ARSF: variants seen among roughly 807,000 people sequenced by gnomAD.
The protein encoded by ARSF is arylsulfatase F.
ARSF carries 33 observed loss-of-function variants against 35.4 expected under a neutral mutation model. That is an observed-to-expected ratio of 0.93 (90% confidence interval 0.71 to 1.25). The LOEUF (loss-of-function observed/expected upper bound fraction) is 1.25. ARSF is among the 50% of genes most tolerant of loss of function. The pLI is 0.00. For synonymous variants in ARSF, 222 were observed against 193.1 expected, an observed-to-expected ratio of 1.15 and a Z score of -1.24; for missense variants, 501 against 480.2, an observed-to-expected ratio of 1.04 and a Z score of -0.40.
At chrX:3,064,300 A>G (rs760215003) in intron 1 of ARSF, among the ~76,000 whole-genome samples, 1 of 112,309 alleles carries the variant, frequency 8.9e-6, no homozygotes, top group African/African-American at 3.2e-5. Context: ...TACAAAATTA[A>G]TTCAAGATGG....
chrX:3,052,878 G>C (rs1196832585), intron 1 of ARSF, among the ~76,000 whole-genome samples: 1 of 111,370 alleles, frequency 9.0e-6, no homozygotes, highest in Non-Finnish European at 1.9e-5. Flanking sequence ...TAAAGAACCT[G>C]TCTCTCTGAA....
intron 7 of ARSF, among the ~76,000 whole-genome samples, chrX:3,090,586 T>C (rs1433650499): frequency 8.9e-6 from 1 of 112,163 alleles, no homozygotes; most frequent in Non-Finnish European, 1.9e-5. Flanking sequence ...GAGGATTGCT[T>C]GAGCCCATAA....
intron 6 of ARSF, among the ~76,000 whole-genome samples, chrX:3,087,997 T>G (rs1027653342): frequency 8.9e-6 from 1 of 112,335 alleles, no homozygotes; most frequent in Non-Finnish European, 1.9e-5. Context: ...TTTTTTTATT[T>G]CTTTATATTT....
In ARSF at chrX:3,084,220, T is replaced by C. The variant is rs200760070; in HGVS notation, c.407-23T>C. On this transcript the variant is annotated intron_variant, in intron 5 of 10. Transcript: ENST00000381127. ...ATATGTTGACATATTGATGCGTAGATGTGTTTGTGTGTTTGGTTTTAGGCA... is the reference window on the plus strand; with the variant it reads ...ATATGTTGACATATTGATGCGTAGACGTGTTTGTGTGTTTGGTTTTAGGCA... 4.2e-4 allele frequency: 507 copies of C among 1,202,479 alleles called. 1 individual carries two copies. The highest frequency in any genetic ancestry group is 4.8e-4 in the Non-Finnish European group (430 of 889,522).
intron 1 of ARSF, among the ~76,000 whole-genome samples, chrX:3,053,758 AT>A (rs773968797): frequency 0.055 from 4,548 of 82,588 alleles, 152 homozygotes; most frequent in African/African-American, 0.11. Context: ...CGCCTGGGTA[AT>A]TTTTTTTTTT....
chrX:3,074,045 C>T (rs1040758683), intron 3 of ARSF, among the ~76,000 whole-genome samples: 2 of 110,288 alleles, frequency 1.8e-5, no homozygotes, highest in African/African-American at 3.3e-5. Context: ...CTAATAGATG[C>T]TGAAGGTAGT....
chrX:3,097,780 C>T (rs992415412), intron 7 of ARSF, among the ~76,000 whole-genome samples: 1 of 111,408 alleles, frequency 9.0e-6, no homozygotes, highest in African/African-American at 3.3e-5. Context: ...CCTGTAATCC[C>T]AGCACTTTGG....
rs144405529 is a variant in ARSF at position 3,058,426 on chromosome X, C to T, written c.-28-9647C>T. 6.4e-3 allele frequency: 1,367 copies of T among 214,223 alleles called. 21 individuals carry two copies. The highest frequency in any genetic ancestry group is 0.037 in the African/African-American group (1,245 of 33,804). The allele number at this position is 214,223 out of a possible 1,213,427, so 17.7% of individuals were successfully genotyped here. ...TAGTGCAGATACTTGATCAGCCTAG[C>T]GCACCATAGCCCAGAACTTCTGGGC... On this transcript the variant is annotated intron_variant, in intron 1 of 10. Coordinates refer to ENST00000381127, the MANE Select transcript of ARSF (RefSeq NM_001201539.2).
rs765280408 is a variant in ARSF, at chrX:3,079,822, G to A, written c.284-1069G>A. ...TAAAAATACAAAATTAGCTGGGCATGGTGGTACATACCTGTAATCCCAGCT... is the reference window on the plus strand; with the variant it reads ...TAAAAATACAAAATTAGCTGGGCATAGTGGTACATACCTGTAATCCCAGCT... On this transcript the variant is annotated intron_variant, in intron 4 of 10. Coordinates refer to ENST00000381127, the MANE Select transcript of ARSF (RefSeq NM_001201539.2). Among the ~76,000 whole-genome samples the A allele has an allele frequency of 4.2e-3, 447 of 107,060 alleles. 1 individual carries two copies. The highest frequency in any genetic ancestry group is 7.0e-3 in the Non-Finnish European group (363 of 51,962). The allele number at this position is 107,060 out of a possible 115,157, so 93.0% of individuals were successfully genotyped here.
intron 4 of ARSF, among the ~76,000 whole-genome samples, chrX:3,078,368 C>G (rs895922170): frequency 1.8e-5 from 2 of 109,906 alleles, no homozygotes; most frequent in Non-Finnish European, 3.8e-5. Flanking sequence ...TTTTTAACTA[C>G]TTAGGGTATT....
Position 3,089,537 on chromosome X carries a change from A to G in ARSF, c.872A>G (p.His291Arg). 3.3e-6 allele frequency: 4 copies of G among 1,211,182 alleles called. No homozygotes were observed. The highest frequency in any genetic ancestry group is 4.5e-6 in the Non-Finnish European group (4 of 895,165). ...ETFLLFFSFLHVHTPLPTTDD... is the reference protein window; with the variant it reads ...ETFLLFFSFLRVHTPLPTTDD... Reference sequence around the variant, plus strand: ...TTCCTTCTCTTTTTCTCCTTTCTTCACGTGCACACACCTCTCCCCACCACG... The same window carrying G: ...TTCCTTCTCTTTTTCTCCTTTCTTCGCGTGCACACACCTCTCCCCACCACG... The change falls in exon 7 of 11, where the codon CAC (histidine) becomes CGC (arginine). Residue 291 changes from histidine (H) to arginine (R), a missense_variant. His to Arg is a conservative substitution (Grantham distance 29). Transcript: ENST00000381127.
At chrX:3,095,285 G>C (rs1346896395) in intron 7 of ARSF, among the ~76,000 whole-genome samples, 1 of 108,978 alleles carries the variant, frequency 9.2e-6, no homozygotes, top group African/African-American at 3.3e-5. Context: ...GAACAGAATT[G>C]CCTATGTTAA....
intron 6 of ARSF, among the ~76,000 whole-genome samples, chrX:3,087,167 C>T (rs371390060): frequency 2.7e-5 from 3 of 111,990 alleles, no homozygotes; most frequent in East Asian, 2.8e-4. Context: ...AACCTTTTAC[C>T]ATGTAATATC....
At chrX:3,048,304 A>G (rs1378924059) in intron 1 of ARSF, among the ~76,000 whole-genome samples, 4 of 112,544 alleles carry the variant, frequency 3.6e-5, no homozygotes, top group Admixed American at 1.9e-4. Flanking sequence ...TAAGACAGCT[A>G]CAAAGATAAG....
At position 3,101,869 on chromosome X, in the gene ARSF, A is replaced by T. The variant is rs773307387; in HGVS notation, c.1102+648A>T. Among the ~76,000 whole-genome samples, 3 of 112,348 alleles carry T rather than the reference A, an allele frequency of 2.7e-5. No homozygotes were observed. In the South Asian group the frequency reaches 1.1e-3, roughly 41 times the overall value. ...AAAAAGAAAAAAGATAATTATCTGG[A>T]AAATGTCGAGTATATTTTATCATAT... On this transcript the variant is annotated intron_variant, in intron 8 of 10. Transcript: ENST00000381127.
At chrX:3,102,770 G>A (rs933486298) in intron 8 of ARSF, among the ~76,000 whole-genome samples, 1 of 110,683 alleles carries the variant, frequency 9.0e-6, no homozygotes, top group Admixed American at 9.6e-5. Flanking sequence ...AAATTAGCTG[G>A]GCATAGTGGC....
chrX:3,065,700 A>G (rs780154611), intron 1 of ARSF, among the ~76,000 whole-genome samples: 2 of 110,059 alleles, frequency 1.8e-5, no homozygotes, highest in South Asian at 3.9e-4. Context: ...ATAAGTTCAC[A>G]TCTTCTTAAC....
In ARSF at chrX:3,108,946, A is replaced by C. The variant is rs1342987322; in HGVS notation, c.1266-1182A>C. On this transcript the variant is annotated intron_variant, in intron 9 of 10. Coordinates refer to ENST00000381127, the MANE Select transcript of ARSF (RefSeq NM_001201539.2). ...CAGGAGAATTGCTTGAACCTGGGAG[A>C]TGGAGGTTGCATTGAGCCGAGATCG... Among the ~76,000 whole-genome samples, 5 of 110,610 alleles carry C rather than the reference A, an allele frequency of 4.5e-5. No individual in the cohort carries two copies. The Admixed American group carries it at 4.8e-4, about 11-fold the overall frequency.
intron 9 of ARSF, among the ~76,000 whole-genome samples, chrX:3,104,242 A>G (rs1369449258): frequency 9.1e-6 from 1 of 109,646 alleles, no homozygotes; most frequent in Non-Finnish European, 1.9e-5. Flanking sequence ...TCTGGTCATC[A>G]CTATTCTACT....
Sources: allele counts gnomAD v4.1 joint callset (sites outside exome capture counted in the v4.1 genomes callset), GRCh38; gene constraint gnomAD v4.1.1; transcripts MANE v1.5; gene names NCBI Gene and HGNC (gene_info 2026-07-23, HGNC 2026-07-21).